RSRC1: variants seen among roughly 807,000 people sequenced by gnomAD.
RSRC1 encodes serine/Arginine-related protein 53.
A neutral mutation model predicts 49.1 loss-of-function variants in RSRC1; 39 were observed. The ratio of observed to expected loss-of-function variants is 0.79; its 90% CI spans 0.61 to 1.04. The LOEUF is 1.04. RSRC1 is among the 50% of genes least tolerant of loss of function. The probability of loss-of-function intolerance (pLI) is 0.00; values close to 1 mark genes in which losing one functional copy is unlikely to be tolerated. For synonymous variants in RSRC1, 143 were observed against 130.8 expected, an observed-to-expected ratio of 1.09 and a Z score of -0.63; for missense variants, 388 against 402.4, an observed-to-expected ratio of 0.96 and a Z score of 0.31.
At position 158,544,502 on chromosome 3, in the gene RSRC1, G is replaced by T. The variant is rs1477472216; in HGVS notation, c.*227G>T. 1 of 322,188 alleles carries T rather than the reference G, an allele frequency of 3.1e-6. No homozygotes were observed. The highest frequency in any genetic ancestry group is 4.6e-5 in the Admixed American group (1 of 21,606). The allele number at this position is 322,188 out of a possible 1,614,324, so 20.0% of individuals were successfully genotyped here. ...TAAGATTGCATGAAAATGTTATACT[G>T]TTAATAAAGCTAAACATAAATAAGT... On this transcript the variant is annotated 3_prime_UTR_variant, in exon 10 of 10. Transcript: ENST00000611884.
chr3:158,347,451 G>T lies in RSRC1; in HGVS notation c.532-7406G>T, dbSNP rs1482459072. Among the ~76,000 whole-genome samples the T allele has an allele frequency of 4.6e-5, 7 of 152,136 alleles. No individual in the cohort carries two copies. The East Asian group carries it at 1.3e-3, about 29-fold the overall frequency. Reference sequence around the variant, plus strand: ...ATTACTCTCTTACAAGTAGGTTAAAGGTTATTTTATATTCTTTTTGTATAA... The same window carrying T: ...ATTACTCTCTTACAAGTAGGTTAAATGTTATTTTATATTCTTTTTGTATAA... On this transcript the variant is annotated intron_variant, in intron 5 of 9. Coordinates refer to ENST00000611884, the MANE Select transcript of RSRC1 (RefSeq NM_001271838.2).
At chr3:158,406,054 A>C (rs1056939691) in intron 6 of RSRC1, among the ~76,000 whole-genome samples, 5 of 152,062 alleles carry the variant, frequency 3.3e-5, no homozygotes, top group Admixed American at 1.3e-4. Flanking sequence ...GAGGTTTTCA[A>C]CTTTGTTTGC....
chr3:158,144,215 A>G (rs954144758), intron 3 of RSRC1, among the ~76,000 whole-genome samples: 10 of 152,140 alleles, frequency 6.6e-5, no homozygotes, highest in Admixed American at 1.3e-4. Context: ...TACTTGTGCC[A>G]TGTTGGTGTG....
intron 4 of RSRC1, among the ~76,000 whole-genome samples, chr3:158,210,308 A>C (rs1201813851): frequency 6.6e-6 from 1 of 152,108 alleles, no homozygotes; most frequent in African/African-American, 2.4e-5. Flanking sequence ...CCAATGTGAC[A>C]GCAGGCAACT....
At chr3:158,326,714 G>C (rs925255050) in intron 5 of RSRC1, among the ~76,000 whole-genome samples, 3 of 152,152 alleles carry the variant, frequency 2.0e-5, no homozygotes, top group Admixed American at 6.5e-5. Context: ...TCTCTGCCAG[G>C]CTTTGGTATC....
intron 4 of RSRC1, among the ~76,000 whole-genome samples, chr3:158,241,484 T>C (rs1003447123): frequency 4.6e-5 from 7 of 151,100 alleles, no homozygotes; most frequent in African/African-American, 1.7e-4. Context: ...TATAAAAATA[T>C]TTTTTTTAAA....
chr3:158,438,427 G>C (rs1484998941), intron 6 of RSRC1, among the ~76,000 whole-genome samples: 1 of 152,052 alleles, frequency 6.6e-6, no homozygotes, highest in Non-Finnish European at 1.5e-5. Flanking sequence ...TATAATACAA[G>C]GCTACAGTAA....
intron 7 of RSRC1, among the ~76,000 whole-genome samples, chr3:158,494,840 A>G (rs1299658375): frequency 1.3e-5 from 2 of 152,184 alleles, no homozygotes; most frequent in African/African-American, 4.8e-5. Context: ...TTTAGGGGCA[A>G]TAACATGCAT....
chr3:158,145,258 G>C (rs1346929819), intron 3 of RSRC1, among the ~76,000 whole-genome samples: 2 of 152,172 alleles, frequency 1.3e-5, no homozygotes, highest in Non-Finnish European at 2.9e-5. Context: ...GGTTTTTCTG[G>C]TTTTAGATCT....
chr3:158,439,686 G>C (rs1736269239), intron 6 of RSRC1, among the ~76,000 whole-genome samples: 1 of 152,122 alleles, frequency 6.6e-6, no homozygotes, highest in East Asian at 1.9e-4. Flanking sequence ...CTAGGAGAGG[G>C]ATAGCATTAG....
At chr3:158,296,214 T>A (rs1727230030) in intron 4 of RSRC1, among the ~76,000 whole-genome samples, 1 of 152,086 alleles carries the variant, frequency 6.6e-6, no homozygotes, top group Non-Finnish European at 1.5e-5. Flanking sequence ...GAAGTAGATG[T>A]GTATTATATA....
chr3:158,305,373 A>C (rs2108132492), intron 5 of RSRC1, among the ~76,000 whole-genome samples: 1 of 152,284 alleles, frequency 6.6e-6, no homozygotes, highest in South Asian at 2.1e-4. Flanking sequence ...AGCTTTTTAA[A>C]GTAAAACTAA....
At chr3:158,114,017 A>AG (rs1714616027) in intron 1 of RSRC1, among the ~76,000 whole-genome samples, 1 of 151,976 alleles carries the variant, frequency 6.6e-6, no homozygotes, top group Admixed American at 6.5e-5. Flanking sequence ...CCCATTTGTA[A>AG]TTTTTGTTTT....
chr3:158,335,413 G>A (rs1286854140), intron 5 of RSRC1, among the ~76,000 whole-genome samples: 1 of 152,178 alleles, frequency 6.6e-6, no homozygotes. Flanking sequence ...AGTTGGCTAT[G>A]AGTATGAAAA....
chr3:158,420,739 G>T (rs959135837), intron 6 of RSRC1, among the ~76,000 whole-genome samples: 1 of 151,726 alleles, frequency 6.6e-6, no homozygotes, highest in Non-Finnish European at 1.5e-5. Context: ...AAAGTACAAT[G>T]GAAATGTCAT....
chr3:158,131,942 C>A, intron 3 of RSRC1: 1 of 190,768 alleles, frequency 5.2e-6, no homozygotes, highest in African/African-American at 2.3e-5. Flanking sequence ...ACTGTAAAGG[C>A]CAGCATAAAT....
intron 5 of RSRC1, among the ~76,000 whole-genome samples, chr3:158,316,437 C>CTT (rs1728450999): frequency 1.1e-5 from 1 of 87,458 alleles, no homozygotes; most frequent in African/African-American, 4.3e-5. Flanking sequence ...CAGAATCTCT[C>CTT]ATTTTTTTTT....
intron 4 of RSRC1, among the ~76,000 whole-genome samples, chr3:158,257,695 T>C (rs186022617): frequency 3.9e-4 from 59 of 152,270 alleles, no homozygotes; most frequent in Admixed American, 3.9e-3. Context: ...GTGTTCTAGG[T>C]GTTTTGTGTC....
intron 4 of RSRC1, among the ~76,000 whole-genome samples, chr3:158,266,752 T>C (rs956806758): frequency 7.2e-5 from 11 of 152,200 alleles, no homozygotes; most frequent in Non-Finnish European, 1.5e-4. Flanking sequence ...TTCTTTTTTT[T>C]CCCCCTCTTT....
Sources: gnomAD v4.1 joint callset for allele counts (sites outside exome capture counted in the v4.1 genomes callset) on GRCh38, gnomAD v4.1.1 for gene constraint, MANE v1.5 for transcripts, NCBI Gene and HGNC (gene_info 2026-07-23, HGNC 2026-07-21) for gene names.